The following HSD17B4 variants were observed in gnomAD, a reference collection of about 807,000 sequenced individuals.
HSD17B4 encodes the protein hydroxysteroid 17-beta dehydrogenase 4, also known as peroxisomal multifunctional enzyme type 2.
HSD17B4 carries 70 observed loss-of-function variants against 101.0 expected under a neutral mutation model. The ratio of observed to expected loss-of-function variants is 0.69; its 90% confidence interval spans 0.57 to 0.85. The LOEUF (loss-of-function observed/expected upper bound fraction) is 0.85, where lower values mean the gene tolerates loss of function less well. HSD17B4 is among the 40% of genes least tolerant of loss of function. The probability of loss-of-function intolerance (pLI) is 0.00; values close to 1 mark genes in which losing one functional copy is unlikely to be tolerated. For missense variants in HSD17B4, 984 were observed against 892.4 expected (o/e 1.10, Z -1.31); for synonymous variants, 347 against 297.1 (o/e 1.17, Z -1.73).
In HSD17B4 at chr5:119,502,080, C is replaced by G; in HGVS notation, c.1249C>G (p.Leu417Val). 6.2e-7 allele frequency: 1 copy of G among 1,600,218 alleles called. No individual in the cohort carries two copies. The highest frequency in any genetic ancestry group is 8.6e-7 in the Non-Finnish European group (1 of 1,167,596). The change falls in exon 14 of 24, where the codon CTT becomes GTT. Residue 417 changes from leucine (L) to valine (V), a missense_variant. Transcript: ENST00000510025. ...GCAGTACTTAGAGTTATATAAACCA[C>G]TTCCCAGAGCAGGTGAGTTATTGAT... ...GEQYLELYKP[L>V]PRAGKLKCEA...
intron 2 of HSD17B4, among the ~76,000 whole-genome samples, chr5:119,468,992 C>T (rs553752623): frequency 4.7e-5 from 7 of 149,632 alleles, no homozygotes; most frequent in Admixed American, 6.7e-5. Context: ...TTCATGACAA[C>T]GTTTGAGGGA....
chr5:119,466,483 G>T (rs1755823240), intron 2 of HSD17B4, among the ~76,000 whole-genome samples: 1 of 152,070 alleles, frequency 6.6e-6, no homozygotes, highest in Admixed American at 6.5e-5. Flanking sequence ...CTTCAATCTT[G>T]TTCTTTGTTA....
At chr5:119,489,847 A>G (rs1360320518) in intron 9 of HSD17B4, among the ~76,000 whole-genome samples, 4 of 152,114 alleles carry the variant, frequency 2.6e-5, no homozygotes, top group Non-Finnish European at 5.9e-5. Context: ...TTTTTATTGC[A>G]GAGCTTTAAA....
intron 6 of HSD17B4, chr5:119,476,673 T>G: frequency 3.0e-6 from 3 of 985,566 alleles, no homozygotes; most frequent in Non-Finnish European, 3.6e-6. Flanking sequence ...TAGGATTTGC[T>G]GGCAAAGGGG....
chr5:119,513,649 G>A (rs1054635720), intron 16 of HSD17B4, among the ~76,000 whole-genome samples: 1 of 152,142 alleles, frequency 6.6e-6, no homozygotes, highest in African/African-American at 2.4e-5. Context: ...CTCCCTGTAT[G>A]TTCTTTTTAA....
chr5:119,529,872 T>A, intron 20 of HSD17B4, 22 bp from the exon 21 acceptor site: 1 of 1,399,394 alleles, frequency 7.1e-7, no homozygotes, highest in East Asian at 2.3e-5. Context: ...AATAAATCTT[T>A]TTTTTTTCTT....
At chr5:119,496,463 A>G (rs893037535) in intron 11 of HSD17B4, 80 bp from the exon 12 acceptor site, 4 of 817,776 alleles carry the variant, frequency 4.9e-6, no homozygotes, top group Non-Finnish European at 6.5e-6. Context: ...TATAGGAATA[A>G]TTATGTAGCA....
At position 119,474,277 on chromosome 5, in the gene HSD17B4, A is replaced by G. The variant is rs1748350139; in HGVS notation, c.221-124A>G. 5 of 766,434 alleles carry G rather than the reference A, an allele frequency of 6.5e-6. No individual in the cohort carries two copies. In the Admixed American group the frequency reaches 8.8e-5, roughly 14 times the overall value. 47.5% of individuals were successfully genotyped at this position (766,434 alleles called of 1,614,324 possible). A position where few individuals can be genotyped will look rare whatever the true frequency, so the allele number is the denominator to read the frequency against. On this transcript the variant is annotated intron_variant, in intron 3 of 23. Coordinates refer to ENST00000510025, the MANE Select transcript of HSD17B4 (RefSeq NM_000414.4). ...ATATAATTAGTAAATTATTGTAGAT[A>G]TGGATATGTTCTTCTGAGTTCTGTT... is the stretch of plus-strand genomic sequence containing the variant.
At chr5:119,485,056 C>T (rs1045523905) in intron 8 of HSD17B4, among the ~76,000 whole-genome samples, 2 of 152,078 alleles carry the variant, frequency 1.3e-5, no homozygotes, top group Non-Finnish European at 2.9e-5. Context: ...TTCATGAACT[C>T]ACTTCTCAAC....
intron 17 of HSD17B4, among the ~76,000 whole-genome samples, chr5:119,516,638 C>A (rs1032908692): frequency 1.3e-5 from 2 of 152,094 alleles, no homozygotes; most frequent in Non-Finnish European, 2.9e-5. Flanking sequence ...AGGCTATATA[C>A]CAGTTCCCTA....
intron 2 of HSD17B4, among the ~76,000 whole-genome samples, chr5:119,457,651 C>G (rs1754807249): frequency 8.2e-6 from 1 of 122,204 alleles, no homozygotes. Flanking sequence ...CATGCTGTTA[C>G]TATTTTTAAT....
At position 119,474,398 on chromosome 5, in the gene HSD17B4, C is replaced by T; in HGVS notation, c.221-3C>T. 6.2e-7 allele frequency: 1 copy of T among 1,602,568 alleles called. No individual in the cohort carries two copies. Among genetic ancestry groups the T allele is most frequent in the Admixed American group, 1.7e-5 (1 of 59,994 alleles). On this transcript the variant is annotated splice_region_variant and splice_polypyrimidine_tract_variant and intron_variant, in intron 3 of 23. Coordinates refer to ENST00000510025, the MANE Select transcript of HSD17B4 (RefSeq NM_000414.4). ...ATTTCATACAAATTTTCCTTTCCCT[C>T]AGATTCAGTGGAAGAAGGAGAGAAG... is the stretch of plus-strand genomic sequence containing the variant.
At chr5:119,524,157 C>T (rs569767949) in intron 17 of HSD17B4, among the ~76,000 whole-genome samples, 2 of 151,832 alleles carry the variant, frequency 1.3e-5, no homozygotes, top group South Asian at 4.2e-4. Flanking sequence ...ATTAAGAAGA[C>T]ATGTAAAGGA....
chr5:119,521,987 G>T (rs1461638407), intron 17 of HSD17B4, among the ~76,000 whole-genome samples: 1 of 151,332 alleles, frequency 6.6e-6, no homozygotes, highest in Admixed American at 6.6e-5. Context: ...TGCACAATGT[G>T]CAGGTTTGTT....
chr5:119,512,618 C>G (rs1420884616), intron 16 of HSD17B4, among the ~76,000 whole-genome samples: 1 of 151,408 alleles, frequency 6.6e-6, no homozygotes, highest in Non-Finnish European at 1.5e-5. Context: ...GCAAAATGAG[C>G]TTTCTAAAAT....
At chr5:119,477,698 CTTTATA>C in intron 7 of HSD17B4, 197 bp downstream of exon 7, 1 of 569,504 alleles carries the variant, frequency 1.8e-6, no homozygotes, top group South Asian at 2.3e-5. Context: ...AGCTGGAAAG[CTTTATA>C]TTTATTTTTT....
intron 16 of HSD17B4, among the ~76,000 whole-genome samples, chr5:119,511,589 AC>A (rs1752173458): frequency 6.6e-6 from 1 of 152,216 alleles, no homozygotes; most frequent in Non-Finnish European, 1.5e-5. Flanking sequence ...AGACAGTTTA[AC>A]AGAGAGACCA....
intron 17 of HSD17B4, among the ~76,000 whole-genome samples, chr5:119,521,136 A>G (rs773775676): frequency 2.0e-5 from 3 of 152,194 alleles, no homozygotes; most frequent in Non-Finnish European, 2.9e-5. Flanking sequence ...CTATATCTTT[A>G]AAACTATTTA....
intron 12 of HSD17B4, among the ~76,000 whole-genome samples, chr5:119,498,433 T>C (rs948937696): frequency 1.3e-5 from 2 of 152,220 alleles, no homozygotes; most frequent in African/African-American, 4.8e-5. Context: ...ACTTCTACTT[T>C]AGAATAAAAA....
Sources: allele counts gnomAD v4.1 joint callset (sites outside exome capture counted in the v4.1 genomes callset), GRCh38; gene constraint gnomAD v4.1.1; transcripts MANE v1.5; gene names NCBI Gene and HGNC (gene_info 2026-07-23, HGNC 2026-07-21).